The following DGKB variants were observed in gnomAD, a reference collection of about 807,000 sequenced individuals.
DGKB encodes the protein 90 kDa diacylglycerol kinase.
A neutral mutation model predicts 114.3 loss-of-function variants in DGKB; 67 were observed. The observed-to-expected ratio is 0.59, with a 90% CI of 0.48 to 0.72. DGKB has a LOEUF of 0.72. Among genes scored for constraint, DGKB ranks in the 30% least tolerant of loss-of-function variants. DGKB has a pLI of 0.00. For synonymous variants in DGKB, 398 were observed against 323.1 expected (o/e 1.23, Z -2.49); for missense variants, 907 against 975.2 (o/e 0.93, Z 0.93).
chr7:14,199,530 G>A (rs896051732), intron 23 of DGKB, among the ~76,000 whole-genome samples: 5 of 152,000 alleles, frequency 3.3e-5, no homozygotes, highest in African/African-American at 7.2e-5. Context: ...GGACAGGACT[G>A]GGCTCACTGT....
chr7:14,354,466 A>G (rs1471662818), intron 21 of DGKB, among the ~76,000 whole-genome samples: 1 of 152,150 alleles, frequency 6.6e-6, no homozygotes, highest in Admixed American at 6.5e-5. Flanking sequence ...AGCATTTACT[A>G]TAGGTCCAGT....
At chr7:14,191,949 A>G (rs1784379301) in intron 23 of DGKB, 3 of 668,110 alleles carry the variant, frequency 4.5e-6, no homozygotes, top group South Asian at 1.5e-5. Flanking sequence ...AAATACTTGA[A>G]GTCTGGTGAT....
chr7:14,313,425 G>A (rs373062259), intron 23 of DGKB, among the ~76,000 whole-genome samples: 4 of 152,078 alleles, frequency 2.6e-5, no homozygotes, highest in East Asian at 1.9e-4. Flanking sequence ...CGCACAGTGC[G>A]CGAGCCGAAG....
At chr7:14,800,586 T>G (rs1842023504) in intron 2 of DGKB, among the ~76,000 whole-genome samples, 1 of 152,186 alleles carries the variant, frequency 6.6e-6, no homozygotes, top group African/African-American at 2.4e-5. Flanking sequence ...GCAGACAGCC[T>G]ATTGTGGGAC....
At chr7:14,646,690 T>C (rs1437122000) in intron 13 of DGKB, among the ~76,000 whole-genome samples, 2 of 151,992 alleles carry the variant, frequency 1.3e-5, no homozygotes. Flanking sequence ...AAGAAGAACT[T>C]TGGAAATTGT....
At chr7:14,218,322 G>T (rs1383851490) in intron 23 of DGKB, among the ~76,000 whole-genome samples, 1 of 152,046 alleles carries the variant, frequency 6.6e-6, no homozygotes, top group Non-Finnish European at 1.5e-5. Context: ...TATTTACAAG[G>T]TCATAGTTTT....
chr7:14,638,727 A>G (rs1043568340), intron 13 of DGKB, among the ~76,000 whole-genome samples: 2 of 152,140 alleles, frequency 1.3e-5, no homozygotes, highest in East Asian at 3.9e-4. Context: ...TCTGTGGGAT[A>G]TATCTGAGAG....
intron 23 of DGKB, among the ~76,000 whole-genome samples, chr7:14,181,172 T>G (rs908409171): frequency 1.3e-5 from 2 of 152,334 alleles, no homozygotes; most frequent in Admixed American, 1.3e-4. Flanking sequence ...GTCTTGTCTA[T>G]GTCTCTTTTT....
intron 23 of DGKB, among the ~76,000 whole-genome samples, chr7:14,181,821 C>T (rs944491968): frequency 2.0e-5 from 3 of 152,166 alleles, no homozygotes; most frequent in Non-Finnish European, 2.9e-5. Context: ...TTTCTGAAAG[C>T]ATTTATATGT....
At chr7:14,668,468 A>G (rs772728971) in intron 13 of DGKB, among the ~76,000 whole-genome samples, 1 of 152,104 alleles carries the variant, frequency 6.6e-6, no homozygotes, top group African/African-American at 2.4e-5. Context: ...CTAAATTGCC[A>G]TGTACTATTC....
At chr7:14,595,752 T>C (rs1802475370) in intron 17 of DGKB, among the ~76,000 whole-genome samples, 1 of 151,980 alleles carries the variant, frequency 6.6e-6, no homozygotes, top group Admixed American at 6.6e-5. Context: ...CATTTTTATA[T>C]GGTAATTTAA....
intron 6 of DGKB, among the ~76,000 whole-genome samples, chr7:14,704,277 TAC>T (rs1331052815): frequency 0.083 from 4,213 of 50,844 alleles, 89 homozygotes; most frequent in African/African-American, 0.18. Context: ...CTACTAAAAA[TAC>T]AAAAAAAAAA....
chr7:14,420,111 TG>T (rs1012831204), intron 21 of DGKB, among the ~76,000 whole-genome samples: 4 of 151,968 alleles, frequency 2.6e-5, no homozygotes, highest in African/African-American at 9.7e-5. Flanking sequence ...AATGCAGCCC[TG>T]GGCATAGAAA....
chr7:14,766,198 G>A (rs1272030895), intron 2 of DGKB, among the ~76,000 whole-genome samples: 1 of 151,814 alleles, frequency 6.6e-6, no homozygotes, highest in African/African-American at 2.4e-5. Context: ...TCCAACTATT[G>A]GAATATATCA....
At chr7:14,861,864 T>G (rs1167803951) in intron 1 of DGKB, among the ~76,000 whole-genome samples, 1 of 152,020 alleles carries the variant, frequency 6.6e-6, no homozygotes, top group Non-Finnish European at 1.5e-5. Context: ...TCTTCTACTG[T>G]TGAAGGGCAT....
chr7:14,362,877 T>C (rs1225882014), intron 21 of DGKB, among the ~76,000 whole-genome samples: 5 of 152,144 alleles, frequency 3.3e-5, no homozygotes, highest in African/African-American at 9.7e-5. Flanking sequence ...GTGCTGCTGC[T>C]TCTCCCTTCT....
intron 1 of DGKB, among the ~76,000 whole-genome samples, chr7:14,969,704 C>T (rs1345506375): frequency 6.6e-6 from 1 of 152,160 alleles, no homozygotes; most frequent in East Asian, 1.9e-4. Context: ...CATGGAAAAA[C>T]TGTCTTTCAT....
At chr7:14,779,414 A>G (rs1838734386) in intron 2 of DGKB, among the ~76,000 whole-genome samples, 1 of 152,018 alleles carries the variant, frequency 6.6e-6, no homozygotes. Flanking sequence ...GCACATGCCT[A>G]TAGTCCCAAC....
At chr7:14,807,152 T>C (rs1437631298) in intron 2 of DGKB, among the ~76,000 whole-genome samples, 1 of 151,966 alleles carries the variant, frequency 6.6e-6, no homozygotes, top group Non-Finnish European at 1.5e-5. Flanking sequence ...GTCTATAAAT[T>C]CCCTCCGTGT....
Sources: allele counts gnomAD v4.1 joint callset (sites outside exome capture counted in the v4.1 genomes callset), GRCh38; gene constraint gnomAD v4.1.1; transcripts MANE v1.5; gene names NCBI Gene and HGNC (gene_info 2026-07-23, HGNC 2026-07-21).